The following TMPRSS9 variants were observed in gnomAD, a reference collection of about 807,000 sequenced individuals.
The protein encoded by TMPRSS9 is transmembrane serine protease 9.
TMPRSS9 carries 113 observed loss-of-function variants against 111.4 expected under a neutral mutation model. The ratio of observed to expected loss-of-function variants is 1.01; its 90% CI spans 0.87 to 1.19. TMPRSS9 has a LOEUF of 1.19. Among genes scored for constraint, TMPRSS9 ranks in the 50% most tolerant of loss-of-function variants. The pLI, the probability that TMPRSS9 is intolerant of heterozygous loss-of-function variation, is 0.00. For missense variants in TMPRSS9, 1,803 were observed against 1,513.1 expected (o/e 1.19, Z -3.18); for synonymous variants, 805 against 659.1 (o/e 1.22, Z -3.39).
intron 3 of TMPRSS9, 22 bp downstream of exon 4, chr19:2,398,884 G>T: frequency 2.6e-6 from 4 of 1,529,568 alleles, no homozygotes; most frequent in Non-Finnish European, 3.5e-6. Context: ...CTTCCATTGG[G>T]TGAAGGAAAC....
At chr19:2,378,056 A>G (rs1032532653) in intron 1 of TMPRSS9, among the ~76,000 whole-genome samples, 3 of 151,668 alleles carry the variant, frequency 2.0e-5, no homozygotes, top group Admixed American at 6.6e-5. Flanking sequence ...TAAATTTTAC[A>G]TTTCGTAGAG....
At chr19:2,418,324 TCCC>T (rs1280498378) in intron 13 of TMPRSS9, among the ~76,000 whole-genome samples, 186 bp downstream of exon 14, 1 of 25,372 alleles carries the variant, frequency 3.9e-5, no homozygotes, top group African/African-American at 4.1e-4. Flanking sequence ...CCTCCCTCCC[TCCC>T]TCCCTTTCCT....
intron 5 of TMPRSS9, among the ~76,000 whole-genome samples, 184 bp from the exon 7 acceptor site, chr19:2,402,898 C>G (rs1409559609): frequency 6.6e-6 from 1 of 152,108 alleles, no homozygotes; most frequent in African/African-American, 2.4e-5. Flanking sequence ...CCACTGCACT[C>G]CCGTTTGGGT....
chr19:2,389,742 C>A (rs1417360825), upstream of TMPRSS9: 1 of 1,583,322 alleles, frequency 6.3e-7, no homozygotes, highest in South Asian at 1.1e-5. Context: ...GTGTTTCTGT[C>A]TTGCTGTGTG....
chr19:2,371,413 G>T (rs978921153), intron 1 of TMPRSS9, among the ~76,000 whole-genome samples: 3 of 152,190 alleles, frequency 2.0e-5, no homozygotes, highest in Non-Finnish European at 4.4e-5. Flanking sequence ...GCTGCCGGGC[G>T]CAGCGGCTCA....
intron 9 of TMPRSS9, among the ~76,000 whole-genome samples, chr19:2,412,067 A>G (rs1971107796): frequency 6.6e-6 from 1 of 151,972 alleles, no homozygotes; most frequent in African/African-American, 2.4e-5. Context: ...GAGTGTCTTT[A>G]TTTCATGGAG....
chr19:2,402,850 G>A (rs568793170), intron 5 of TMPRSS9, among the ~76,000 whole-genome samples: 1 of 152,176 alleles, frequency 6.6e-6, no homozygotes, highest in African/African-American at 2.4e-5. Flanking sequence ...AGGATTGCTT[G>A]AACCTGGAGT....
chr19:2,421,579 G>A (rs1371211441), intron 13 of TMPRSS9, among the ~76,000 whole-genome samples: 1 of 152,050 alleles, frequency 6.6e-6, no homozygotes, highest in Admixed American at 6.6e-5. Context: ...GAGCCACCAC[G>A]CCTGGCCTTA....
chr19:2,409,323 T>C (rs892649020), intron 8 of TMPRSS9, among the ~76,000 whole-genome samples: 1 of 151,784 alleles, frequency 6.6e-6, no homozygotes, highest in Non-Finnish European at 1.5e-5. Flanking sequence ...TTGTATTTTT[T>C]AGTAGAGACA....
At chr19:2,395,737 G>A (rs7507413) in intron 1 of TMPRSS9, among the ~76,000 whole-genome samples, 23,715 of 151,990 alleles carry the variant, frequency 0.16, 2,369 homozygotes, top group Admixed American at 0.27. Flanking sequence ...GCCGGGTGTG[G>A]TGGCTCACGC....
At chr19:2,363,508 TG>T (rs1269359793) in intron 1 of TMPRSS9, among the ~76,000 whole-genome samples, 12 of 67,840 alleles carry the variant, frequency 1.8e-4, no homozygotes, top group Admixed American at 1.6e-3. Flanking sequence ...GGAGCAGTTG[TG>T]GGGGGGTGGG....
At chr19:2,385,041 A>G (rs548762988), upstream of TMPRSS9, among the ~76,000 whole-genome samples, 1 of 151,520 alleles carries the variant, frequency 6.6e-6, no homozygotes, top group South Asian at 2.1e-4. Flanking sequence ...TAATCCTATA[A>G]TCCCAGCACT....
chr19:2,405,306 A>T (rs78369878), intron 6 of TMPRSS9, 68 bp from the exon 8 acceptor site: 77,682 of 1,502,890 alleles, frequency 0.052, 2,182 homozygotes, highest in East Asian at 0.075. Context: ...TCAGAGATGC[A>T]TGTTCTGGGA....
chr19:2,425,919 C>G lies in TMPRSS9; in HGVS notation c.3121-8C>G, dbSNP rs375114457. ...GCCTCTGAACCCCCTTTCTTCTCTCCCCAACAGGGTGACGCTGGGGGACCC... is the reference window on the plus strand; with the variant it reads ...GCCTCTGAACCCCCTTTCTTCTCTCGCCAACAGGGTGACGCTGGGGGACCC... On this transcript the variant is annotated splice_polypyrimidine_tract_variant and splice_region_variant and intron_variant, in intron 17 of 17. Coordinates refer to ENST00000648592, the Ensembl canonical transcript of TMPRSS9. 1 of 1,587,218 alleles carries G rather than the reference C, an allele frequency of 6.3e-7. No homozygotes were observed. The highest frequency in any genetic ancestry group is 8.5e-7 in the Non-Finnish European group (1 of 1,171,378).
intron 1 of TMPRSS9, among the ~76,000 whole-genome samples, chr19:2,363,045 C>T (rs1009953152): frequency 1.3e-5 from 2 of 152,128 alleles, no homozygotes; most frequent in African/African-American, 2.4e-5. Context: ...CTGGCCTGAC[C>T]GTGGGGTAAT....
rs139039910 is a variant in TMPRSS9 at position 2,371,828 on chromosome 19, G to A, written c.-26+11468G>A. Among the ~76,000 whole-genome samples the A allele has an allele frequency of 1.1e-3, 173 of 152,260 alleles. 2 individuals are homozygous for A. The highest frequency in any genetic ancestry group is 3.8e-3 in the African/African-American group (157 of 41,556). On this transcript the variant is annotated intron_variant, in intron 1 of 17. Coordinates refer to the TMPRSS9 transcript ENST00000649857. ...GGGACTCTCACCCCATCACCACCGC[G>A]TTGGGATGAGTCGGACTTCCTGCCT...
intron 14 of TMPRSS9, 138 bp from the exon 16 acceptor site, chr19:2,423,951 G>A (rs1407223308): frequency 1.1e-6 from 1 of 939,258 alleles, no homozygotes; most frequent in Non-Finnish European, 1.4e-6. Context: ...TTCCTGCTGA[G>A]TTTTCCTGGG....
Position 2,373,747 on chromosome 19 carries a change from G to A in TMPRSS9, c.-26+13387G>A, listed in dbSNP as rs139119870. On this transcript the variant is annotated intron_variant, in intron 1 of 17. Transcript: ENST00000649857. ...ACTCCTGGCCTCAAGCGATCCACCC[G>A]CCTCAGCCTCTTAAGGCGCTGGGAT... is the stretch of plus-strand genomic sequence containing the variant. Among the ~76,000 whole-genome samples the A allele has an allele frequency of 3.0e-3, 456 of 152,168 alleles. 3 individuals are homozygous for A. The highest frequency in any genetic ancestry group is 0.011 in the African/African-American group (438 of 41,548).
chr19:2,401,973 A>T lies in TMPRSS9; in HGVS notation c.515-2A>T, dbSNP rs764509348. 5.0e-6 allele frequency: 8 copies of T among 1,609,184 alleles called. 1 individual carries two copies. The Admixed American group carries it at 1.0e-4, about 20-fold the overall frequency. ...GCTTCTATCTTCTCTGTTTTGTTGC[A>T]GGGAGACATAAGGGACCCTTGGCAG... On this transcript the variant is annotated splice_acceptor_variant, in intron 4 of 17. Coordinates refer to ENST00000648592, the Ensembl canonical transcript of TMPRSS9. LOFTEE classifies it high-confidence loss of function.
Sources: allele counts gnomAD v4.1 joint callset (sites outside exome capture counted in the v4.1 genomes callset), GRCh38; gene constraint gnomAD v4.1.1; transcripts MANE v1.5; gene names NCBI Gene and HGNC (gene_info 2026-07-23, HGNC 2026-07-21).